The following PSD3 variants were observed in gnomAD, a reference collection of about 807,000 sequenced individuals.
PSD3 encodes the protein PH and SEC7 domain-containing protein 3.
PSD3 carries 49 observed loss-of-function variants against 105.5 expected under a neutral mutation model. That is an observed-to-expected ratio of 0.46 (90% CI 0.37 to 0.59). The LOEUF is 0.59. Among genes scored for constraint, PSD3 ranks in the 20% least tolerant of loss-of-function variants. PSD3 has a pLI of 0.00. For synonymous variants in PSD3, 557 were observed against 457.8 expected (o/e 1.22, Z -2.77); for missense variants, 1,561 against 1,263.8 (o/e 1.24, Z -3.57).
At chr8:18,730,305 T>G (rs900937201) in intron 9 of PSD3, 26 of 152,256 alleles carry the variant, frequency 1.7e-4, no homozygotes, top group African/African-American at 5.5e-4. Flanking sequence ...TCTCATCTGC[T>G]AATATGTAAA....
intron 9 of PSD3, among the ~76,000 whole-genome samples, chr8:18,705,380 A>C (rs74889039): frequency 0.05 from 7,519 of 151,682 alleles, 365 homozygotes; most frequent in East Asian, 0.23. Context: ...AAAATAGAAA[A>C]ATTAGCTGGG....
intron 11 of PSD3, among the ~76,000 whole-genome samples, chr8:18,622,172 A>C (rs1252926704): frequency 6.6e-6 from 1 of 152,238 alleles, no homozygotes; most frequent in Admixed American, 6.5e-5. Context: ...TTAATATTTC[A>C]AATTCAGAAC....
At chr8:18,674,578 C>A (rs1799967079) in intron 9 of PSD3, among the ~76,000 whole-genome samples, 1 of 152,164 alleles carries the variant, frequency 6.6e-6, no homozygotes, top group Admixed American at 6.5e-5. Flanking sequence ...TATGTAAATA[C>A]CACTTAATCA....
At chr8:19,032,425 T>A (rs893832893) in intron 1 of PSD3, among the ~76,000 whole-genome samples, 1 of 152,092 alleles carries the variant, frequency 6.6e-6, no homozygotes, top group Non-Finnish European at 1.5e-5. Context: ...GGAGGATTGC[T>A]TGTGCTCAGT....
chr8:18,566,633 T>G (rs1563328970), intron 14 of PSD3, among the ~76,000 whole-genome samples: 1 of 151,868 alleles, frequency 6.6e-6, no homozygotes, highest in African/African-American at 2.4e-5. Context: ...TGCAATTCAG[T>G]GGGGTGGCGG....
At chr8:18,641,628 G>C (rs1325963548) in intron 10 of PSD3, among the ~76,000 whole-genome samples, 1 of 152,102 alleles carries the variant, frequency 6.6e-6, no homozygotes, top group African/African-American at 2.4e-5. Context: ...TACAAACATT[G>C]GTGTAGCATA....
At chr8:18,675,042 A>G (rs904344534) in intron 9 of PSD3, among the ~76,000 whole-genome samples, 13 of 133,966 alleles carry the variant, frequency 9.7e-5, no homozygotes, top group African/African-American at 3.2e-4. Context: ...AGTGTCATCA[A>G]TCTATATAAA....
chr8:19,077,147 G>A (rs1829484543), intron 1 of PSD3, among the ~76,000 whole-genome samples: 1 of 152,138 alleles, frequency 6.6e-6, no homozygotes, highest in African/African-American at 2.4e-5. Flanking sequence ...TCTGACCTGA[G>A]ATAAATGGTT....
At chr8:18,999,109 G>A (rs1036485988) in intron 1 of PSD3, among the ~76,000 whole-genome samples, 3 of 151,994 alleles carry the variant, frequency 2.0e-5, no homozygotes, top group Non-Finnish European at 4.4e-5. Context: ...GCAGACAAAT[G>A]CCAAAAGTGA....
intron 10 of PSD3, among the ~76,000 whole-genome samples, chr8:18,650,392 A>C (rs1272327277): frequency 6.6e-6 from 1 of 152,174 alleles, no homozygotes; most frequent in African/African-American, 2.4e-5. Context: ...GTTCTCCCCA[A>C]ATTATCAGCA....
rs145037243 is a variant in PSD3, at chr8:18,785,668, C to T, written c.2082+13627G>A. Among the ~76,000 whole-genome samples the T allele has an allele frequency of 3.4e-3, 519 of 152,264 alleles. 4 individuals are homozygous for T. Among genetic ancestry groups the T allele is most frequent in the African/African-American group, 0.012 (497 of 41,540 alleles). ...TTATTAACTGTCTGGTGCAAGAGGC[C>T]TAGCTTCTGGCCTATCTCAGCCTCA... On this transcript the variant is annotated intron_variant, in intron 8 of 15. Transcript: ENST00000327040.
chr8:18,684,015 T>TC lies in PSD3; in HGVS notation c.2173-28331dup, dbSNP rs1159769195. 3 of 686,824 alleles carry TC rather than the reference T, an allele frequency of 4.4e-6. No homozygotes were observed. The East Asian group carries it at 7.5e-5, about 17-fold the overall frequency. 42.5% of individuals were successfully genotyped at this position (686,824 alleles called of 1,614,324 possible). ...TCCAAGGCTCTCACGCTGGAGGAAC[T>TC]CTGCGGGGTTGTGCCTGAGCAGCTC... On this transcript the variant is annotated intron_variant, in intron 9 of 15. Transcript: ENST00000327040.
At chr8:18,606,618 G>A (rs1437746746) in intron 11 of PSD3, among the ~76,000 whole-genome samples, 2 of 152,114 alleles carry the variant, frequency 1.3e-5, no homozygotes, top group African/African-American at 4.8e-5. Flanking sequence ...TATCTAGGAA[G>A]AATTCATTTG....
chr8:18,722,392 T>C (rs527907591), intron 9 of PSD3, among the ~76,000 whole-genome samples: 10 of 152,308 alleles, frequency 6.6e-5, no homozygotes, highest in Admixed American at 5.9e-4. Flanking sequence ...TGTTCTTATA[T>C]GTTCTGTTTC....
At position 18,600,226 on chromosome 8, in the gene PSD3, C is replaced by G. The variant is rs545067053; in HGVS notation, c.2481+138G>C. 909 of 780,942 alleles carry G rather than the reference C, an allele frequency of 1.2e-3. 14 individuals carry two copies. The highest frequency in any genetic ancestry group is 8.4e-3 in the Middle Eastern group (24 of 2,844). The allele number at this position is 780,942 out of a possible 1,614,324, so 48.4% of individuals were successfully genotyped here. A position where few individuals can be genotyped will look rare whatever the true frequency, so the allele number is the denominator to read the frequency against. On this transcript the variant is annotated intron_variant, in intron 12 of 15. Transcript: ENST00000327040. The stretch of plus-strand genomic sequence containing the variant: ...AATCGTTTATTTCTGGAATTCTCCG[C>G]TGAAAATTTTTTAACATCAGCAAAC...
intron 1 of PSD3, among the ~76,000 whole-genome samples, chr8:19,030,126 G>A (rs1282893744): frequency 5.9e-5 from 9 of 152,074 alleles, no homozygotes; most frequent in African/African-American, 1.9e-4. Context: ...GCCTTTTGTC[G>A]AGTTGAAGAA....
At chr8:18,852,845 T>C (rs1350331498) in intron 4 of PSD3, among the ~76,000 whole-genome samples, 1 of 152,230 alleles carries the variant, frequency 6.6e-6, no homozygotes, top group African/African-American at 2.4e-5. Flanking sequence ...CATTAATGTT[T>C]ACTGAGCTCT....
intron 9 of PSD3, among the ~76,000 whole-genome samples, chr8:18,714,428 A>G (rs952318440): frequency 4.4e-5 from 6 of 136,332 alleles, no homozygotes; most frequent in Admixed American, 7.1e-5. Flanking sequence ...AATTTACAAG[A>G]AAAAAAAAAA....
intron 4 of PSD3, chr8:18,865,241 TA>T (rs1563359598): frequency 0.045 from 183 of 4,058 alleles, 10 homozygotes; most frequent in African/African-American, 0.14. Flanking sequence ...TATATATATA[TA>T]TATATATATA....
Sources: allele counts gnomAD v4.1 joint callset (sites outside exome capture counted in the v4.1 genomes callset), GRCh38; gene constraint gnomAD v4.1.1; transcripts MANE v1.5; gene names NCBI Gene and HGNC (gene_info 2026-07-23, HGNC 2026-07-21).